MAL2: variants seen among roughly 807,000 people sequenced by gnomAD.
MAL2 encodes the protein mal, T cell differentiation protein 2, also known as protein MAL2.
MAL2 carries 17 observed loss-of-function variants against 18.1 expected under a neutral mutation model. The ratio of observed to expected loss-of-function variants is 0.94; its 90% CI spans 0.64 to 1.41. MAL2 has a LOEUF of 1.41. Among genes scored for constraint, MAL2 ranks in the 40% most tolerant of loss-of-function variants. MAL2 has a pLI of 0.00. For missense variants in MAL2, 222 were observed against 231.9 expected (o/e 0.96, Z 0.28); for synonymous variants, 102 against 102.3 (o/e 1.00, Z 0.02).
At chr8:119,243,341 T>C (rs796786451) in intron 3 of MAL2, 76 bp from the exon 4 acceptor site, 1 of 1,090,886 alleles carries the variant, frequency 9.2e-7, no homozygotes, top group Non-Finnish European at 1.3e-6. Context: ...TCAAACTTCA[T>C]ATGGTTGTTC....
intron 2 of MAL2, among the ~76,000 whole-genome samples, chr8:119,227,690 C>T (rs546813428): frequency 1.3e-5 from 2 of 152,316 alleles, no homozygotes; most frequent in South Asian, 2.1e-4. Flanking sequence ...GCTCCACTCT[C>T]CTCTCATACT....
In MAL2 at chr8:119,243,915, C is replaced by G. The variant is rs1351446241; in HGVS notation, c.*427C>G. ...ACTAAACTCTATATTTTAGTGTAAA[C>G]CAGGAATTGGCACACTTTTTTTAGA... is the stretch of plus-strand genomic sequence containing the variant. On this transcript the variant is annotated 3_prime_UTR_variant, in exon 4 of 4. Transcript: ENST00000614891. 6.5e-6 allele frequency: 1 copy of G among 153,090 alleles called. No individual in the cohort carries two copies. Among genetic ancestry groups the G allele is most frequent in the Non-Finnish European group, 1.5e-5 (1 of 68,786 alleles). The allele number at this position is 153,090 out of a possible 1,614,324, so 9.5% of individuals were successfully genotyped here.
At chr8:119,211,973 A>G (rs1817273986) in intron 1 of MAL2, among the ~76,000 whole-genome samples, 1 of 152,162 alleles carries the variant, frequency 6.6e-6, no homozygotes, top group Non-Finnish European at 1.5e-5. Flanking sequence ...TGTGCAAGGC[A>G]CTCCTCTGGG....
intron 1 of MAL2, chr8:119,221,333 G>A (rs1360551487): frequency 4.8e-6 from 2 of 414,096 alleles, no homozygotes; most frequent in Non-Finnish European, 8.7e-6. Flanking sequence ...TACATGGGTT[G>A]AAGAAGCGAG....
intron 2 of MAL2, among the ~76,000 whole-genome samples, chr8:119,224,672 GT>G (rs1312481800): frequency 6.6e-6 from 1 of 152,112 alleles, no homozygotes; most frequent in South Asian, 2.1e-4. Flanking sequence ...CCAACATGTA[GT>G]TTTTTTATCC....
intron 2 of MAL2, among the ~76,000 whole-genome samples, chr8:119,224,719 A>G (rs1476582569): frequency 3.3e-5 from 5 of 152,040 alleles, no homozygotes; most frequent in Admixed American, 1.3e-4. Flanking sequence ...CTGAGTCTCC[A>G]ATGTCCATTA....
At position 119,208,615 on chromosome 8, in the gene MAL2, C is replaced by T; in HGVS notation, c.132+11C>T. The T allele has an allele frequency of 7.6e-7, 1 of 1,311,042 alleles. No individual in the cohort carries two copies. Among genetic ancestry groups the T allele is most frequent in the Middle Eastern group, 2.2e-4 (1 of 4,548 alleles). 81.2% of individuals were successfully genotyped at this position (1,311,042 alleles called of 1,614,324 possible). A position where few individuals can be genotyped will look rare whatever the true frequency, so the allele number is the denominator to read the frequency against. On this transcript the variant is annotated intron_variant, in intron 1 of 3. Transcript: ENST00000614891. The surrounding 1 kb of genome is among the most constrained non-coding windows in gnomAD (Gnocchi z 4.3). Reference sequence around the variant, plus strand: ...GTCTGCCTGGAGATTGTAAGTGGGGCCGCCGGAGCGAGGGTCGCGCGGGGA... The same window carrying T: ...GTCTGCCTGGAGATTGTAAGTGGGGTCGCCGGAGCGAGGGTCGCGCGGGGA...
At chr8:119,223,427 C>T (rs890831516) in intron 2 of MAL2, 1 of 152,196 alleles carries the variant, frequency 6.6e-6, no homozygotes, top group Non-Finnish European at 1.5e-5. Flanking sequence ...TGAGTACAGT[C>T]ATTCATGTCC....
At chr8:119,242,666 G>T (rs987799426) in intron 3 of MAL2, among the ~76,000 whole-genome samples, 2 of 152,198 alleles carry the variant, frequency 1.3e-5, no homozygotes, top group African/African-American at 2.4e-5. Flanking sequence ...GTCTATAGGT[G>T]AATCTGGTAT....
intron 2 of MAL2, among the ~76,000 whole-genome samples, chr8:119,222,982 A>G (rs918020947): frequency 3.3e-5 from 5 of 152,180 alleles, no homozygotes; most frequent in Admixed American, 2.0e-4. Flanking sequence ...TCAGAGGATC[A>G]CAGTGCTTCA....
intron 1 of MAL2, chr8:119,209,058 C>A: frequency 1.4e-5 from 2 of 146,762 alleles, no homozygotes; most frequent in South Asian, 1.9e-4. Flanking sequence ...GGCTGCCACG[C>A]TGTGGAAAGT....
chr8:119,239,127 C>T (rs1183749431), intron 2 of MAL2, among the ~76,000 whole-genome samples: 1 of 152,116 alleles, frequency 6.6e-6, no homozygotes, highest in African/African-American at 2.4e-5. Context: ...TATGAACAGA[C>T]ACTTCTCAAA....
chr8:119,220,231 G>T (rs962270772), intron 1 of MAL2, among the ~76,000 whole-genome samples: 1 of 152,180 alleles, frequency 6.6e-6, no homozygotes, highest in African/African-American at 2.4e-5. Flanking sequence ...TTCCTTATCT[G>T]TCCTTTTTCT....
At chr8:119,228,177 A>ACCTTTGTCAAGATGGTAACTC (rs561732461) in intron 2 of MAL2, among the ~76,000 whole-genome samples, 13 of 152,132 alleles carry the variant, frequency 8.5e-5, no homozygotes, top group African/African-American at 2.9e-4. Context: ...AGTGGCAACT[A>ACCTTTGTCAAGATGGTAACTC]CCTTTGTCAA....
At chr8:119,241,338 G>A (rs1305654277) in intron 3 of MAL2, among the ~76,000 whole-genome samples, 1 of 152,052 alleles carries the variant, frequency 6.6e-6, no homozygotes, top group Non-Finnish European at 1.5e-5. Context: ...GACCAGCCTG[G>A]TCAACATAGC....
chr8:119,218,724 T>A (rs184737214), intron 1 of MAL2, among the ~76,000 whole-genome samples: 308 of 152,340 alleles, frequency 2.0e-3, no homozygotes, highest in African/African-American at 7.1e-3. Flanking sequence ...AAATGCTGTG[T>A]TGAATTCCAA....
chr8:119,238,904 A>G (rs1330415088), intron 2 of MAL2, among the ~76,000 whole-genome samples: 2 of 151,916 alleles, frequency 1.3e-5, no homozygotes, highest in Non-Finnish European at 2.9e-5. Flanking sequence ...AGCAATGGCA[A>G]CACAAGCCAA....
At chr8:119,226,126 G>C (rs1460029344) in intron 2 of MAL2, among the ~76,000 whole-genome samples, 1 of 152,164 alleles carries the variant, frequency 6.6e-6, no homozygotes, top group Non-Finnish European at 1.5e-5. Flanking sequence ...TTGCTGTGCA[G>C]AAGCTTTTTA....
At chr8:119,212,893 A>T (rs1307046775) in intron 1 of MAL2, among the ~76,000 whole-genome samples, 1 of 152,238 alleles carries the variant, frequency 6.6e-6, no homozygotes, top group South Asian at 2.1e-4. Flanking sequence ...AGGCCAAGGC[A>T]TTGGATTTAT....
Sources: gnomAD v4.1 joint callset for allele counts (sites outside exome capture counted in the v4.1 genomes callset) on GRCh38, gnomAD v4.1.1 for gene constraint, Gnocchi (gnomAD v3.1) non-coding constraint, MANE v1.5 for transcripts, NCBI Gene and HGNC (gene_info 2026-07-23, HGNC 2026-07-21) for gene names.